Variants in SOX5 observed in about 807,000 individuals in gnomAD.
The protein encoded by SOX5 is SRY-box transcription factor 5.
Under a neutral mutation model 92.0 loss-of-function variants are expected in SOX5, and 9 were observed. The ratio of observed to expected loss-of-function variants is 0.10; its 90% CI spans 0.06 to 0.17. The LOEUF is 0.17. SOX5 is among the 10% of genes least tolerant of loss of function. SOX5 has a pLI of 1.00. For synonymous variants in SOX5, 344 were observed against 336.3 expected (o/e 1.02, Z -0.25); for missense variants, 642 against 944.5 (o/e 0.68, Z 4.20).
intron 10 of SOX5, among the ~76,000 whole-genome samples, chr12:23,573,528 C>T (rs770895188): frequency 2.0e-5 from 3 of 152,140 alleles, no homozygotes; most frequent in East Asian, 1.9e-4. Context: ...CTAAAATACC[C>T]ACTTGCTCTT....
chr12:24,373,906 A>G (rs1956985721), intron 1 of SOX5, among the ~76,000 whole-genome samples: 1 of 152,192 alleles, frequency 6.6e-6, no homozygotes, highest in African/African-American at 2.4e-5. Flanking sequence ...TCTAGAACAG[A>G]GGGGCCACTA....
chr12:24,009,075 T>C (rs1008815822), intron 4 of SOX5, among the ~76,000 whole-genome samples: 1 of 152,182 alleles, frequency 6.6e-6, no homozygotes, highest in African/African-American at 2.4e-5. Flanking sequence ...CTTACAGCTA[T>C]TACAGCCATC....
At chr12:24,078,849 G>A (rs972933028) in intron 4 of SOX5, among the ~76,000 whole-genome samples, 1 of 151,882 alleles carries the variant, frequency 6.6e-6, no homozygotes, top group Non-Finnish European at 1.5e-5. Context: ...ACTTTTTAAG[G>A]CATTTCTGAA....
chr12:24,219,840 A>G (rs1464243284), intron 3 of SOX5, among the ~76,000 whole-genome samples: 2 of 152,146 alleles, frequency 1.3e-5, no homozygotes, highest in African/African-American at 4.8e-5. Flanking sequence ...TCAAGCACTT[A>G]TTATAAGATA....
chr12:24,446,140 G>A (rs971697242), intron 1 of SOX5, among the ~76,000 whole-genome samples: 3 of 152,194 alleles, frequency 2.0e-5, no homozygotes, highest in African/African-American at 7.2e-5. Context: ...GAACAAGAGA[G>A]ATAAGACCCT....
At chr12:24,488,127 A>G (rs753626674) in intron 1 of SOX5, among the ~76,000 whole-genome samples, 10 of 152,212 alleles carry the variant, frequency 6.6e-5, no homozygotes, top group Admixed American at 5.2e-4. Flanking sequence ...CTGACAGTTG[A>G]ATGAATCATC....
At chr12:24,438,446 T>C (rs1939885039) in intron 1 of SOX5, among the ~76,000 whole-genome samples, 1 of 151,844 alleles carries the variant, frequency 6.6e-6, no homozygotes, top group East Asian at 1.9e-4. Flanking sequence ...AAAATATACA[T>C]ATATATATAT....
intron 4 of SOX5, among the ~76,000 whole-genome samples, chr12:24,164,890 C>T (rs1325523660): frequency 6.6e-6 from 1 of 151,868 alleles, no homozygotes; most frequent in Admixed American, 6.6e-5. Context: ...GAACTAATGG[C>T]AATTTGTTCT....
intron 1 of SOX5, among the ~76,000 whole-genome samples, chr12:24,447,266 C>T (rs138706207): frequency 1.3e-5 from 2 of 152,274 alleles, no homozygotes; most frequent in Non-Finnish European, 1.5e-5. Context: ...ATGTTGACAG[C>T]GTGTGCCCTT....
At chr12:24,534,373 A>G (rs997877570) in intron 1 of SOX5, among the ~76,000 whole-genome samples, 10 of 152,204 alleles carry the variant, frequency 6.6e-5, no homozygotes, top group African/African-American at 2.4e-4. Flanking sequence ...TGAAAGACTA[A>G]TGCTTACAAA....
chr12:23,741,365 AGT>A (rs1289413479), intron 4 of SOX5, among the ~76,000 whole-genome samples: 5 of 152,188 alleles, frequency 3.3e-5, no homozygotes, highest in African/African-American at 1.2e-4. Context: ...TTACTTTATA[AGT>A]AAATTTTAAA....
At chr12:23,957,102 C>T (rs912738072) in intron 4 of SOX5, among the ~76,000 whole-genome samples, 27 of 152,152 alleles carry the variant, frequency 1.8e-4, no homozygotes, top group Middle Eastern at 3.2e-3. Context: ...CTTCCTAAGT[C>T]CTTCTTTACA....
At chr12:23,570,959 ATATATATATATATATATATATATATT>A (rs1948243274) in intron 10 of SOX5, among the ~76,000 whole-genome samples, 1 of 83,326 alleles carries the variant, frequency 1.2e-5, no homozygotes, top group Non-Finnish European at 2.5e-5. Context: ...ATATATATAT[ATATATATATATATATATATATATATT>A]TTCATATTTT....
At position 23,743,028 on chromosome 12, in the gene SOX5, A is replaced by G. The variant is rs1264581705; in HGVS notation, c.569-1989T>C. 2.6e-5 allele frequency among the ~76,000 whole-genome samples: 4 copies of G among 152,328 alleles called. No homozygotes were observed. The East Asian group carries it at 5.8e-4, about 22-fold the overall frequency. ...CTAATTGTTTTAAATGAAATTCTAG[A>G]AACAACCTAAATGTCAAATAAGAAT... is the stretch of plus-strand genomic sequence containing the variant. On this transcript the variant is annotated intron_variant, in intron 4 of 14. Coordinates refer to ENST00000451604, the MANE Select transcript of SOX5 (RefSeq NM_006940.6).
chr12:24,237,236 T>G (rs1420662413), intron 3 of SOX5, among the ~76,000 whole-genome samples: 1 of 152,166 alleles, frequency 6.6e-6, no homozygotes, highest in African/African-American at 2.4e-5. Context: ...AAGGATCCCT[T>G]AATACTTCCT....
intron 1 of SOX5, among the ~76,000 whole-genome samples, chr12:24,519,447 A>G (rs1029392105): frequency 5.3e-5 from 8 of 152,162 alleles, no homozygotes; most frequent in Admixed American, 2.0e-4. Context: ...AATTTTAGAT[A>G]GAGTGACCAG....
chr12:23,669,647 A>G (rs76480046), intron 6 of SOX5, among the ~76,000 whole-genome samples: 19 of 93,282 alleles, frequency 2.0e-4, no homozygotes, highest in Admixed American at 4.5e-4. Flanking sequence ...GGATGAGGAG[A>G]AAAAAAAAAG....
chr12:23,842,295 G>C (rs1321953195), intron 3 of SOX5, among the ~76,000 whole-genome samples: 2 of 151,920 alleles, frequency 1.3e-5, no homozygotes, highest in South Asian at 2.1e-4. Flanking sequence ...TCACTGTTGG[G>C]GTGGAAATGT....
chr12:24,174,066 C>T (rs1954521159), intron 4 of SOX5, among the ~76,000 whole-genome samples: 2 of 151,950 alleles, frequency 1.3e-5, no homozygotes, highest in East Asian at 1.9e-4. Flanking sequence ...GGTATAATCT[C>T]GGCTCACTGC....
Sources: allele counts gnomAD v4.1 joint callset (sites outside exome capture counted in the v4.1 genomes callset), GRCh38; gene constraint gnomAD v4.1.1; transcripts MANE v1.5; gene names NCBI Gene and HGNC (gene_info 2026-07-23, HGNC 2026-07-21).